The following CDX1 variants were observed in gnomAD, a reference collection of about 807,000 sequenced individuals.
The protein encoded by CDX1 is caudal type homeobox 1.
A neutral mutation model predicts 16.9 loss-of-function variants in CDX1; 9 were observed. That is an observed-to-expected ratio of 0.53 (90% CI 0.32 to 0.93). The LOEUF is 0.93. Ranked by LOEUF, CDX1 falls within the 40% of genes least tolerant of loss-of-function variation. The pLI is 0.04. For synonymous variants in CDX1, 179 were observed against 179.0 expected (o/e 1.00, Z 0.00); for missense variants, 393 against 386.1 (o/e 1.02, Z -0.15).
At chr5:150,174,283 C>T (rs1761541723) in intron 1 of CDX1, among the ~76,000 whole-genome samples, 1 of 152,232 alleles carries the variant, frequency 6.6e-6, no homozygotes, top group Non-Finnish European at 1.5e-5. Flanking sequence ...CTGGAAACTC[C>T]ACCAGGAAAC....
intron 1 of CDX1, among the ~76,000 whole-genome samples, chr5:150,173,669 A>G (rs1377773721): frequency 1.3e-5 from 2 of 152,358 alleles, no homozygotes; most frequent in Non-Finnish European, 1.5e-5. Context: ...AGCAGTTATT[A>G]TGGTAATCAT....
intron 1 of CDX1, among the ~76,000 whole-genome samples, chr5:150,182,335 A>T (rs1217156449): frequency 2.0e-5 from 3 of 152,220 alleles, no homozygotes; most frequent in African/African-American, 7.2e-5. Flanking sequence ...CTTTCTGACT[A>T]ACTGGTCAGG....
At chr5:150,172,350 C>T (rs1476214642) in intron 1 of CDX1, among the ~76,000 whole-genome samples, 1 of 152,064 alleles carries the variant, frequency 6.6e-6, no homozygotes, top group Non-Finnish European at 1.5e-5. Context: ...TACTGTGTGC[C>T]AGGCACTGTG....
Position 150,181,835 on chromosome 5 carries a change from G to A in CDX1, c.446-933G>A, listed in dbSNP as rs150105347. On this transcript the variant is annotated intron_variant, in intron 1 of 2. Coordinates refer to ENST00000231656, the MANE Select transcript of CDX1 (RefSeq NM_001804.3). ...CAGGGGTTTTATTTTGCTCAGTGCT[G>A]TAGCCCAGAGCTTGGCTCACAGCAG... Among the ~76,000 whole-genome samples, 196 of 152,296 alleles carry A rather than the reference G, an allele frequency of 1.3e-3. 1 individual carries two copies. The highest frequency in any genetic ancestry group is 2.5e-3 in the Non-Finnish European group (167 of 68,016).
At position 150,167,036 on chromosome 5, in the gene CDX1, G is replaced by T; in HGVS notation, c.160G>T (p.Ala54Ser). 1 of 1,422,720 alleles carries T rather than the reference G, an allele frequency of 7.0e-7. No homozygotes were observed. The highest frequency in any genetic ancestry group is 9.1e-7 in the Non-Finnish European group (1 of 1,093,052). 88.1% of individuals were successfully genotyped at this position (1,422,720 alleles called of 1,614,324 possible). Residue 54 changes from alanine to serine, a missense_variant, in exon 1 of 3, where the codon GCC (alanine) becomes TCC (serine). Physicochemically the swap from Ala to Ser is moderately conservative, Grantham distance 99. Coordinates refer to ENST00000231656, the MANE Select transcript of CDX1 (RefSeq NM_001804.3). ...CTCCAGCTACTCTCACGTGGAGCCG[G>T]CCCCCGCGCCCCCGACGGCCTGGGG... ...DFSSYSHVEP[A>S]PAPPTAWGAP...
At chr5:150,167,424 C>T in intron 1 of CDX1, 103 bp downstream of exon 1, 1 of 796,158 alleles carries the variant, frequency 1.3e-6, no homozygotes, top group African/African-American at 1.8e-5. Context: ...CTCGGGTTCC[C>T]GGGAGTGTGG....
intron 1 of CDX1, among the ~76,000 whole-genome samples, chr5:150,167,554 AC>A (rs2113946670): frequency 6.6e-6 from 1 of 152,230 alleles, no homozygotes; most frequent in African/African-American, 2.4e-5. Context: ...GGAAACCGAG[AC>A]CCCCTGCGAA....
rs182275291 is a variant in CDX1, at chr5:150,183,457, G to A, written c.592-17G>A. 87 of 1,581,002 alleles carry A rather than the reference G, an allele frequency of 5.5e-5. No individual in the cohort carries two copies. In the African/African-American group the frequency reaches 1.0e-3, roughly 18 times the overall value. Reference sequence around the variant, plus strand: ...TCTCCCTGCTGCCCACTCCATCTCTGTCCTCCAACCCCACAGGTGAAGATC... The same window carrying A: ...TCTCCCTGCTGCCCACTCCATCTCTATCCTCCAACCCCACAGGTGAAGATC... On this transcript the variant is annotated splice_polypyrimidine_tract_variant and intron_variant, in intron 2 of 2. Transcript: ENST00000231656.
At chr5:150,180,119 G>A (rs1446215766) in intron 1 of CDX1, among the ~76,000 whole-genome samples, 3 of 152,234 alleles carry the variant, frequency 2.0e-5, no homozygotes, top group African/African-American at 4.8e-5. Context: ...TCTCACAACC[G>A]CTTCCAGCTT....
At position 150,183,511 on chromosome 5, in the gene CDX1, G is replaced by T. The variant is rs767414506; in HGVS notation, c.629G>T (p.Arg210Leu). ...IWFQNRRAKE[R>L]KVNKKKQQQQ... ...TTCCAAAACCGGCGGGCAAAGGAGC[G>T]CAAAGTGAACAAGAAGAAACAGCAG... Residue 210 changes from arginine to leucine, a missense_variant, in exon 3 of 3, where the codon CGC (arginine) becomes CTC (leucine). Coordinates refer to ENST00000231656, the MANE Select transcript of CDX1 (RefSeq NM_001804.3). 1 of 1,611,048 alleles carries T rather than the reference G, an allele frequency of 6.2e-7. No homozygotes were observed. Among genetic ancestry groups the T allele is most frequent in the Admixed American group, 1.7e-5 (1 of 59,822 alleles).
intron 1 of CDX1, among the ~76,000 whole-genome samples, chr5:150,181,507 C>T (rs1478905416): frequency 1.9e-4 from 29 of 152,088 alleles, no homozygotes; most frequent in Admixed American, 1.8e-3. Context: ...GAACCCCTGA[C>T]CTCACGTGAT....
At chr5:150,169,861 C>T (rs759068867) in intron 1 of CDX1, among the ~76,000 whole-genome samples, 19 of 151,440 alleles carry the variant, frequency 1.3e-4, no homozygotes, top group South Asian at 6.2e-4. Context: ...CACATGTAGA[C>T]GAGGGAACCA....
At position 150,183,551 on chromosome 5, in the gene CDX1, A is replaced by T; in HGVS notation, c.669A>T (p.Pro223=). Reference sequence around the variant, plus strand: ...AGAAACAGCAGCAGCAACAGCCCCCACAGCCGCCGATGGCCCACGACATCA... The same window carrying T: ...AGAAACAGCAGCAGCAACAGCCCCCTCAGCCGCCGATGGCCCACGACATCA... ...NKKKQQQQQP[P]QPPMAHDITA... The change falls in exon 3 of 3, where the codon CCA becomes CCT. Residue 223 remains proline (P), a synonymous_variant. Coordinates refer to ENST00000231656, the MANE Select transcript of CDX1 (RefSeq NM_001804.3). 6.2e-7 allele frequency: 1 copy of T among 1,612,382 alleles called. No individual in the cohort carries two copies. Among genetic ancestry groups the T allele is most frequent in the Non-Finnish European group, 8.5e-7 (1 of 1,178,950 alleles).
chr5:150,182,560 A>AAG, intron 1 of CDX1, among the ~76,000 whole-genome samples: 1 of 152,160 alleles, frequency 6.6e-6, no homozygotes, highest in Non-Finnish European at 1.5e-5. Context: ...TGGGCATGGG[A>AAG]GGAGTACTTG....
rs1368321379 is a variant in CDX1 at position 150,167,275 on chromosome 5, C to A, written c.399C>A (p.Tyr133Ter). Residue 133 changes from tyrosine (Y) to a stop codon, truncating the protein, a stop_gained, in exon 1 of 3, where the codon TAC becomes TAA. Transcript: ENST00000231656. LOFTEE classifies it high-confidence loss of function. ...CCGGAGCGCAGAGGCCGACGCCCTACGAGTGGATGCGGCGCAGCGTGGCGG... is the reference window on the plus strand; with the variant it reads ...CCGGAGCGCAGAGGCCGACGCCCTAAGAGTGGATGCGGCGCAGCGTGGCGG... ...SSPGAQRPTPYEWMRRSVAAG... is the reference protein window; with the variant it reads ...SSPGAQRPTP 7.9e-7 allele frequency: 1 copy of A among 1,267,336 alleles called. No homozygotes were observed. The highest frequency in any genetic ancestry group is 3.2e-5 in the South Asian group (1 of 30,948). 78.5% of individuals were successfully genotyped at this position (1,267,336 alleles called of 1,614,324 possible).
Position 150,166,950 on chromosome 5 carries a change from T to TGGGCCCGCAAGCCTACGGCCCCCC in CDX1, c.77_100dup (p.Gly26_Pro33dup). The TGGGCCCGCAAGCCTACGGCCCCCC allele has an allele frequency of 6.7e-7, 1 of 1,495,268 alleles. No homozygotes were observed. Among genetic ancestry groups the TGGGCCCGCAAGCCTACGGCCCCCC allele is most frequent in the Non-Finnish European group, 8.9e-7 (1 of 1,129,196 alleles). 92.6% of individuals were successfully genotyped at this position (1,495,268 alleles called of 1,614,324 possible). ...CCAGCCAGGCCAGCCAGCCTCGGCC[T>TGGGCCCGCAAGCCTACGGCCCCCC]GGGCCCGCAAGCCTACGGCCCCCCG... On this transcript the variant is annotated inframe_insertion, in exon 1 of 3. Transcript: ENST00000231656.
At chr5:150,178,121 A>G (rs990707041) in intron 1 of CDX1, among the ~76,000 whole-genome samples, 3 of 152,180 alleles carry the variant, frequency 2.0e-5, no homozygotes, top group African/African-American at 7.2e-5. Context: ...ACTGTGAAAA[A>G]GCTTCCCAGG....
intron 1 of CDX1, among the ~76,000 whole-genome samples, chr5:150,173,764 T>G (rs1321073991): frequency 1.3e-5 from 2 of 151,680 alleles, no homozygotes; most frequent in Non-Finnish European, 2.9e-5. Flanking sequence ...AGCACATTTC[T>G]TCTCCATCAA....
intron 1 of CDX1, among the ~76,000 whole-genome samples, chr5:150,173,976 T>C (rs1761537991): frequency 6.6e-6 from 1 of 152,192 alleles, no homozygotes; most frequent in Non-Finnish European, 1.5e-5. Flanking sequence ...AGCAGGTTTG[T>C]TTTATGTATT....
Sources: allele counts gnomAD v4.1 joint callset (sites outside exome capture counted in the v4.1 genomes callset), GRCh38; gene constraint gnomAD v4.1.1; transcripts MANE v1.5; gene names NCBI Gene and HGNC (gene_info 2026-07-23, HGNC 2026-07-21).